Variants in CDK19 observed in about 807,000 individuals in gnomAD.
CDK19 encodes the protein cyclin dependent kinase 19, also known as cyclin-dependent kinase 19.
In CDK19, 20 loss-of-function variants were observed where a neutral mutation model predicts 68.3. The observed-to-expected ratio is 0.29, with a 90% CI of 0.21 to 0.43. The LOEUF (loss-of-function observed/expected upper bound fraction) is 0.43, where lower values mean the gene tolerates loss of function less well. CDK19 is among the 20% of genes least tolerant of loss of function. The pLI is 1.00. For missense variants in CDK19, 339 were observed against 623.5 expected, an observed-to-expected ratio of 0.54 and a Z score of 4.86; for synonymous variants, 221 against 222.8, an observed-to-expected ratio of 0.99 and a Z score of 0.07.
At chr6:110,802,321 T>C (rs1782397411) in intron 1 of CDK19, among the ~76,000 whole-genome samples, 1 of 152,222 alleles carries the variant, frequency 6.6e-6, no homozygotes, top group African/African-American at 2.4e-5. Flanking sequence ...GTGGTATATA[T>C]ACACCATGGA....
chr6:110,793,608 T>C (rs802673), intron 1 of CDK19, among the ~76,000 whole-genome samples: 27,511 of 152,178 alleles, frequency 0.18, 2,668 homozygotes, highest in East Asian at 0.32. Flanking sequence ...CCACCTTTCA[T>C]TGAACCCTTT....
At chr6:110,646,311 T>C (rs1440690553) in intron 4 of CDK19, 10 of 1,492,928 alleles carry the variant, frequency 6.7e-6, no homozygotes, top group African/African-American at 1.4e-5. Flanking sequence ...GCTCAGCGAC[T>C]ACCTGCGCGA....
chr6:110,742,178 T>C lies in CDK19; in HGVS notation c.204+3948A>G, dbSNP rs374470697. 7.2e-5 allele frequency among the ~76,000 whole-genome samples: 11 copies of C among 152,356 alleles called. No individual in the cohort carries two copies. The East Asian group carries it at 7.7e-4, about 11-fold the overall frequency. On this transcript the variant is annotated intron_variant, in intron 2 of 12. Transcript: ENST00000368911. ...AGGAACATAAATTGTGAAGATTTCA[T>C]GGACATTTATCAGTCCCCAAAATTA...
chr6:110,792,656 C>T (rs1232113978), intron 1 of CDK19, among the ~76,000 whole-genome samples: 4 of 152,194 alleles, frequency 2.6e-5, no homozygotes, highest in Admixed American at 6.5e-5. Flanking sequence ...ATCCACCCGC[C>T]GCGACAGGCG....
chr6:110,742,012 C>T (rs559232539), intron 2 of CDK19, among the ~76,000 whole-genome samples: 2 of 152,268 alleles, frequency 1.3e-5, no homozygotes, highest in African/African-American at 4.8e-5. Context: ...AAAATAATGA[C>T]ATAGGTAAAG....
At chr6:110,751,236 GT>G (rs1778454699) in intron 1 of CDK19, among the ~76,000 whole-genome samples, 1 of 152,158 alleles carries the variant, frequency 6.6e-6, no homozygotes, top group Non-Finnish European at 1.5e-5. Context: ...ACAGCTGGAG[GT>G]GAGTGGTGGG....
intron 1 of CDK19, among the ~76,000 whole-genome samples, chr6:110,769,202 T>C (rs1001824022): frequency 6.7e-6 from 1 of 149,060 alleles, no homozygotes; most frequent in Non-Finnish European, 1.5e-5. Context: ...GAACTTTAGT[T>C]AACAATAATG....
intron 2 of CDK19, among the ~76,000 whole-genome samples, chr6:110,716,059 AG>A (rs1775363866): frequency 1.2e-5 from 1 of 82,638 alleles, no homozygotes; most frequent in Non-Finnish European, 3.4e-5. Flanking sequence ...GCTCATTAAG[AG>A]GAATCACATA....
At chr6:110,796,078 C>T (rs1251767579) in intron 1 of CDK19, among the ~76,000 whole-genome samples, 1 of 152,224 alleles carries the variant, frequency 6.6e-6, no homozygotes, top group Non-Finnish European at 1.5e-5. Context: ...GTGGCTCACG[C>T]CTGTAATCCC....
intron 12 of CDK19, 106 bp from the exon 13 acceptor site, chr6:110,614,772 G>C (rs191177230): frequency 8.8e-7 from 1 of 1,139,716 alleles, no homozygotes; most frequent in Non-Finnish European, 1.3e-6. Flanking sequence ...TTAGGTTCCT[G>C]GTTCAGACAC....
intron 4 of CDK19, among the ~76,000 whole-genome samples, chr6:110,641,852 T>G (rs1780210758): frequency 6.6e-6 from 1 of 152,050 alleles, no homozygotes; most frequent in Non-Finnish European, 1.5e-5. Flanking sequence ...ACAACAAAAA[T>G]GAAGAGTTTT....
At chr6:110,750,884 G>A (rs761958056) in intron 1 of CDK19, among the ~76,000 whole-genome samples, 3 of 152,152 alleles carry the variant, frequency 2.0e-5, no homozygotes, top group Non-Finnish European at 4.4e-5. Flanking sequence ...CACCCAGGCT[G>A]GAGTGCAGTG....
intron 1 of CDK19, among the ~76,000 whole-genome samples, chr6:110,804,760 C>T (rs1057255210): frequency 6.6e-6 from 1 of 150,564 alleles, no homozygotes; most frequent in Non-Finnish European, 1.5e-5. Context: ...ACGAGACCAT[C>T]CTGGCTAACA....
chr6:110,626,455 C>A (rs2114664987), intron 8 of CDK19, among the ~76,000 whole-genome samples: 1 of 152,308 alleles, frequency 6.6e-6, no homozygotes, highest in South Asian at 2.1e-4. Flanking sequence ...CTCAATGCAA[C>A]AGTATTAGAA....
intron 1 of CDK19, among the ~76,000 whole-genome samples, chr6:110,798,827 C>T (rs936655443): frequency 6.6e-6 from 1 of 151,622 alleles, no homozygotes; most frequent in Admixed American, 6.6e-5. Flanking sequence ...ATCTACACAT[C>T]CTATATGAAA....
At chr6:110,785,706 C>T (rs1366176886) in intron 1 of CDK19, among the ~76,000 whole-genome samples, 3 of 152,128 alleles carry the variant, frequency 2.0e-5, no homozygotes, top group East Asian at 1.9e-4. Context: ...ATAGGCCGGG[C>T]GCGGTGGCTC....
intron 1 of CDK19, among the ~76,000 whole-genome samples, chr6:110,783,563 A>G (rs1241860532): frequency 6.8e-6 from 1 of 147,924 alleles, no homozygotes; most frequent in Non-Finnish European, 1.5e-5. Context: ...GCATGAACCC[A>G]GGAGGTGGAG....
chr6:110,639,857 G>A (rs1419442616), intron 4 of CDK19, among the ~76,000 whole-genome samples: 1 of 152,134 alleles, frequency 6.6e-6, no homozygotes, highest in Non-Finnish European at 1.5e-5. Context: ...GCAGAGTAGA[G>A]GAAGGGCAAG....
rs547941721 is a variant in CDK19 at position 110,623,821 on chromosome 6, T to C, written c.861-459A>G. Among the ~76,000 whole-genome samples the C allele has an allele frequency of 1.6e-4, 23 of 146,964 alleles. No individual in the cohort carries two copies. In the East Asian group the frequency reaches 4.3e-3, roughly 28 times the overall value. On this transcript the variant is annotated intron_variant, in intron 8 of 12. Transcript: ENST00000368911. ...ACACACATATACACATATATACACA[T>C]ACATATACACATATATATACACATA...
Sources: allele counts gnomAD v4.1 joint callset (sites outside exome capture counted in the v4.1 genomes callset), GRCh38; gene constraint gnomAD v4.1.1; transcripts MANE v1.5; gene names NCBI Gene and HGNC (gene_info 2026-07-23, HGNC 2026-07-21).